Variants in PCSK5 observed in about 807,000 individuals in gnomAD.
PCSK5 encodes the protein prohormone convertase 5.
Under a neutral mutation model 233.2 loss-of-function variants are expected in PCSK5, and 129 were observed. The observed-to-expected ratio is 0.55, with a 90% CI of 0.48 to 0.64. The LOEUF is 0.64. PCSK5 is among the 30% of genes least tolerant of loss of function. The pLI is 0.00. For synonymous variants in PCSK5, 825 were observed against 879.2 expected (o/e 0.94, Z 1.09); for missense variants, 2,076 against 2,430.1 (o/e 0.85, Z 3.06).
chr9:75,985,986 G>A, intron 2 of PCSK5, 146 bp from the exon 3 acceptor site: 1 of 582,562 alleles, frequency 1.7e-6, no homozygotes. Context: ...GAATCTCTGA[G>A]CACTTAGACT....
intron 2 of PCSK5, among the ~76,000 whole-genome samples, chr9:75,977,669 A>G (rs779887522): frequency 6.6e-6 from 1 of 150,404 alleles, no homozygotes; most frequent in Non-Finnish European, 1.5e-5. Flanking sequence ...GGAGTGCAGT[A>G]GCGTGATCTC....
chr9:75,906,386 C>T (rs1048306701), intron 1 of PCSK5, among the ~76,000 whole-genome samples: 6 of 152,014 alleles, frequency 3.9e-5, no homozygotes, highest in East Asian at 1.9e-4. Flanking sequence ...TCACCATGCC[C>T]GGCTAATTTT....
intron 2 of PCSK5, among the ~76,000 whole-genome samples, chr9:75,939,670 A>C (rs1298191142): frequency 2.0e-5 from 3 of 152,244 alleles, no homozygotes; most frequent in Admixed American, 6.5e-5. Flanking sequence ...TTGACTTTTA[A>C]AAATAAAAAC....
intron 5 of PCSK5, among the ~76,000 whole-genome samples, chr9:76,032,523 A>G (rs931572396): frequency 6.6e-6 from 1 of 152,170 alleles, no homozygotes; most frequent in African/African-American, 2.4e-5. Context: ...TACAAAAGTT[A>G]TAAAAATCCC....
At chr9:75,951,617 T>A (rs1366990402) in intron 2 of PCSK5, among the ~76,000 whole-genome samples, 1 of 152,182 alleles carries the variant, frequency 6.6e-6, no homozygotes, top group Non-Finnish European at 1.5e-5. Flanking sequence ...TTACATCCTT[T>A]AAAATCCTTT....
intron 24 of PCSK5, among the ~76,000 whole-genome samples, chr9:76,267,857 A>G (rs1370056414): frequency 6.6e-6 from 1 of 152,176 alleles, no homozygotes; most frequent in Non-Finnish European, 1.5e-5. Context: ...AATGGATACA[A>G]GGAGAAAAGT....
chr9:76,007,574 A>G (rs1827532452), intron 3 of PCSK5, among the ~76,000 whole-genome samples: 1 of 152,130 alleles, frequency 6.6e-6, no homozygotes, highest in African/African-American at 2.4e-5. Context: ...AGAGGAGGGT[A>G]GATGGCCTTC....
intron 2 of PCSK5, among the ~76,000 whole-genome samples, chr9:75,943,672 C>A (rs1439584822): frequency 2.6e-5 from 4 of 152,106 alleles, no homozygotes; most frequent in African/African-American, 9.7e-5. Context: ...TGAGCTCTAC[C>A]CATCAATCTT....
intron 9 of PCSK5, among the ~76,000 whole-genome samples, chr9:76,127,046 T>C (rs1458308327): frequency 6.6e-6 from 1 of 152,170 alleles, no homozygotes. Flanking sequence ...AAAAGCTTCA[T>C]TTTAAAATAT....
intron 37 of PCSK5, among the ~76,000 whole-genome samples, chr9:76,355,133 T>G (rs1183583543): frequency 6.6e-6 from 1 of 152,124 alleles, no homozygotes; most frequent in African/African-American, 2.4e-5. Flanking sequence ...TTGGTTCTCA[T>G]TGGTCACAAA....
intron 1 of PCSK5, among the ~76,000 whole-genome samples, chr9:75,895,719 C>T (rs79054364): frequency 0.017 from 2,601 of 152,180 alleles, 35 homozygotes; most frequent in South Asian, 0.029. Flanking sequence ...AAATCATATT[C>T]GCATTTACAT....
chr9:76,344,574 A>G (rs945403253), intron 35 of PCSK5, among the ~76,000 whole-genome samples: 1 of 152,170 alleles, frequency 6.6e-6, no homozygotes, highest in African/African-American at 2.4e-5. Context: ...AATACACTGA[A>G]TTGGGGGTGG....
chr9:75,921,710 T>C (rs938604056), intron 1 of PCSK5, among the ~76,000 whole-genome samples: 12 of 152,194 alleles, frequency 7.9e-5, no homozygotes, highest in African/African-American at 2.4e-4. Context: ...TTCATAAGAA[T>C]GGCTGACTAT....
intron 20 of PCSK5, among the ~76,000 whole-genome samples, chr9:76,217,242 T>C (rs1055663620): frequency 6.6e-6 from 1 of 152,240 alleles, no homozygotes; most frequent in African/African-American, 2.4e-5. Flanking sequence ...GAACTCATTT[T>C]ATAAAGCTGA....
intron 3 of PCSK5, among the ~76,000 whole-genome samples, chr9:76,015,671 A>C (rs969394889): frequency 6.6e-6 from 1 of 152,172 alleles, no homozygotes; most frequent in Non-Finnish European, 1.5e-5. Flanking sequence ...TTGCTTTAGA[A>C]TCATATACTG....
intron 14 of PCSK5, among the ~76,000 whole-genome samples, chr9:76,179,361 T>C (rs1410522466): frequency 1.3e-5 from 2 of 152,130 alleles, no homozygotes; most frequent in Non-Finnish European, 2.9e-5. Context: ...GACCAGGCCA[T>C]GACTAGAATT....
intron 12 of PCSK5, among the ~76,000 whole-genome samples, chr9:76,160,057 G>A (rs1334502604): frequency 1.3e-5 from 2 of 151,934 alleles, no homozygotes; most frequent in Admixed American, 6.6e-5. Flanking sequence ...TCCTGACCTC[G>A]TGATCCATCC....
chr9:75,961,656 A>G (rs141492799), intron 2 of PCSK5, among the ~76,000 whole-genome samples: 1 of 152,352 alleles, frequency 6.6e-6, no homozygotes, highest in African/African-American at 2.4e-5. Flanking sequence ...AATGCAGATC[A>G]AATATCTCTG....
At chr9:76,077,277 AC>A (rs1241016053) in intron 7 of PCSK5, among the ~76,000 whole-genome samples, 1 of 152,022 alleles carries the variant, frequency 6.6e-6, no homozygotes, top group Non-Finnish European at 1.5e-5. Flanking sequence ...ACCCCATGTC[AC>A]CCCATCAAAG....
Sources: allele counts gnomAD v4.1 joint callset (sites outside exome capture counted in the v4.1 genomes callset), GRCh38; gene constraint gnomAD v4.1.1; transcripts MANE v1.5; gene names NCBI Gene and HGNC (gene_info 2026-07-23, HGNC 2026-07-21).